CAMK2D: variants seen among roughly 807,000 people sequenced by gnomAD.
The protein encoded by CAMK2D is calcium/calmodulin dependent protein kinase II delta.
Under a neutral mutation model 84.0 loss-of-function variants are expected in CAMK2D, and 37 were observed. The ratio of observed to expected loss-of-function variants is 0.44; its 90% CI spans 0.34 to 0.58. The LOEUF (loss-of-function observed/expected upper bound fraction) is 0.58, where lower values mean the gene tolerates loss of function less well. CAMK2D is among the 20% of genes least tolerant of loss of function. CAMK2D has a pLI of 0.02. For missense variants in CAMK2D, 448 were observed against 652.5 expected, an observed-to-expected ratio of 0.69 and a Z score of 3.41; for synonymous variants, 202 against 212.5, an observed-to-expected ratio of 0.95 and a Z score of 0.43.
intron 12 of CAMK2D, among the ~76,000 whole-genome samples, chr4:113,510,293 T>C (rs1560601042): frequency 6.6e-6 from 1 of 152,236 alleles, no homozygotes; most frequent in Non-Finnish European, 1.5e-5. Context: ...AATGGCATTA[T>C]GTATTCTTTT....
At chr4:113,635,089 T>C (rs942834691) in intron 3 of CAMK2D, among the ~76,000 whole-genome samples, 9 of 152,354 alleles carry the variant, frequency 5.9e-5, no homozygotes, top group South Asian at 2.1e-4. Context: ...TATAAAGATA[T>C]AATTGATTGC....
At chr4:113,569,136 G>C (rs772274868) in intron 4 of CAMK2D, among the ~76,000 whole-genome samples, 7 of 152,186 alleles carry the variant, frequency 4.6e-5, no homozygotes, top group Non-Finnish European at 1.0e-4. Context: ...TCCCACCTCT[G>C]CCTCCCAAAG....
intron 8 of CAMK2D, among the ~76,000 whole-genome samples, chr4:113,520,242 C>A (rs572754830): frequency 1.3e-5 from 2 of 152,058 alleles, no homozygotes; most frequent in South Asian, 4.2e-4. Context: ...CCTGTCTCTA[C>A]TAAAAATACA....
intron 2 of CAMK2D, chr4:113,679,456 A>G: frequency 1.0e-6 from 1 of 979,444 alleles, no homozygotes; most frequent in Non-Finnish European, 1.2e-6. Flanking sequence ...TGTCCATCAT[A>G]TATTCCAGCC....
At chr4:113,541,475 G>A (rs1298043578) in intron 6 of CAMK2D, among the ~76,000 whole-genome samples, 1 of 151,990 alleles carries the variant, frequency 6.6e-6, no homozygotes, top group Non-Finnish European at 1.5e-5. Flanking sequence ...AATTGATTTG[G>A]CAAAGGCAAT....
At chr4:113,741,082 AC>A (rs2099591777) in intron 2 of CAMK2D, among the ~76,000 whole-genome samples, 1 of 152,076 alleles carries the variant, frequency 6.6e-6, no homozygotes, top group Non-Finnish European at 1.5e-5. Context: ...GTTATCACAG[AC>A]TGCTGCAGTA....
rs181973268 is a variant in CAMK2D at position 113,541,423 on chromosome 4, G to A, written c.415-3980C>T. Among the ~76,000 whole-genome samples, 1,279 of 152,270 alleles carry A rather than the reference G, an allele frequency of 8.4e-3. 17 individuals carry two copies. The highest frequency in any genetic ancestry group is 0.029 in the African/African-American group (1,210 of 41,550). Reference sequence around the variant, plus strand: ...ATCCAAAACTTATGAAAAAAACATAGTTTTAACCTTGCTTTACCAATTATC... The same window carrying A: ...ATCCAAAACTTATGAAAAAAACATAATTTTAACCTTGCTTTACCAATTATC... On this transcript the variant is annotated intron_variant, in intron 6 of 20. Transcript: ENST00000511664.
chr4:113,462,330 G>GTCTATCTATCTATCTA lies in CAMK2D; in HGVS notation c.1212-2090_1212-2089insTAGATAGATAGATAGA, dbSNP rs1295226081. On this transcript the variant is annotated intron_variant, in intron 17 of 20. Coordinates refer to ENST00000511664, the MANE Select transcript of CAMK2D (RefSeq NM_001321571.2). Reference sequence around the variant, plus strand: ...TGTCTGTCTGTCTGTCTGTCTGTCTGTCTGTCTGTCTATCTATCTATCTAT... The same window carrying GTCTATCTATCTATCTA: ...TGTCTGTCTGTCTGTCTGTCTGTCTGTCTATCTATCTATCTATCTGTCTGTCTATCTATCTATCTAT... Among the ~76,000 whole-genome samples the GTCTATCTATCTATCTA allele has an allele frequency of 3.7e-3, 483 of 129,238 alleles. 3 individuals carry two copies. Among genetic ancestry groups the GTCTATCTATCTATCTA allele is most frequent in the Middle Eastern group, 0.016 (4 of 258 alleles). 84.8% of individuals were successfully genotyped at this position (129,238 alleles called of 152,430 possible). A position where few individuals can be genotyped will look rare whatever the true frequency, so the allele number is the denominator to read the frequency against.
intron 3 of CAMK2D, among the ~76,000 whole-genome samples, chr4:113,617,491 G>C (rs1325279343): frequency 6.6e-6 from 1 of 151,600 alleles, no homozygotes; most frequent in African/African-American, 2.4e-5. Context: ...AAAAAGAAGA[G>C]AGACATCTGT....
intron 5 of CAMK2D, among the ~76,000 whole-genome samples, chr4:113,550,241 A>G (rs959137120): frequency 2.4e-4 from 36 of 152,104 alleles, no homozygotes; most frequent in Non-Finnish European, 5.9e-5. Flanking sequence ...GTGCAGTGGC[A>G]TGATCTCTGC....
chr4:113,535,291 C>T (rs1276712636), intron 7 of CAMK2D, among the ~76,000 whole-genome samples: 1 of 152,072 alleles, frequency 6.6e-6, no homozygotes, highest in Non-Finnish European at 1.5e-5. Context: ...AACAGATTCC[C>T]TTAGAGTTCA....
chr4:113,504,977 A>G lies in CAMK2D; in HGVS notation c.1043T>C (p.Leu348Pro). 1 of 1,552,052 alleles carries G rather than the reference A, an allele frequency of 6.4e-7. No homozygotes were observed. Among genetic ancestry groups the G allele is most frequent in the Non-Finnish European group, 8.7e-7 (1 of 1,150,588 alleles). ...GGGTTACAAAGAGTCCAGGTATACC[A>G]GCGCTGGGGTAGGAATATTTTCTTT... The part of the protein sequence containing the change: ...SPKENIPTPA[L>P]EPQTTVIHNP... Residue 348 changes from leucine (L) to proline (P), a missense_variant and splice_region_variant, in exon 14 of 21, where the codon CTG becomes CCG. Physicochemically the swap from Leu to Pro is moderately conservative, Grantham distance 98 (BLOSUM62 -3). Coordinates refer to ENST00000511664, the MANE Select transcript of CAMK2D (RefSeq NM_001321571.2).
chr4:113,664,207 T>C (rs1332687703), intron 2 of CAMK2D, among the ~76,000 whole-genome samples: 1 of 152,232 alleles, frequency 6.6e-6, no homozygotes, highest in Non-Finnish European at 1.5e-5. Context: ...TTAAGCCACC[T>C]AGTCTGTTGT....
chr4:113,645,835 C>G (rs548384878), intron 3 of CAMK2D, among the ~76,000 whole-genome samples: 1 of 152,268 alleles, frequency 6.6e-6, no homozygotes, highest in East Asian at 1.9e-4. Flanking sequence ...ATAAAAGAGA[C>G]CATGAGCCCC....
At chr4:113,756,615 C>G (rs1305323213) in intron 2 of CAMK2D, among the ~76,000 whole-genome samples, 1 of 152,030 alleles carries the variant, frequency 6.6e-6, no homozygotes, top group Non-Finnish European at 1.5e-5. Flanking sequence ...TAAAAGACTT[C>G]ATAGGTTAAG....
intron 2 of CAMK2D, among the ~76,000 whole-genome samples, chr4:113,744,839 T>C (rs577539105): frequency 6.6e-6 from 1 of 152,320 alleles, no homozygotes; most frequent in East Asian, 1.9e-4. Flanking sequence ...GAGGCACTTT[T>C]CAAGGACCAC....
At chr4:113,649,564 A>C (rs578025068) in intron 3 of CAMK2D, among the ~76,000 whole-genome samples, 14 of 152,322 alleles carry the variant, frequency 9.2e-5, no homozygotes, top group Non-Finnish European at 1.5e-5. Context: ...TATTTCAGTT[A>C]AGATTCTTAG....
intron 3 of CAMK2D, among the ~76,000 whole-genome samples, chr4:113,618,920 A>G (rs2099032987): frequency 1.3e-5 from 2 of 152,218 alleles, no homozygotes; most frequent in African/African-American, 2.4e-5. Context: ...AGTTCAGCCT[A>G]GGTCAATGAT....
At chr4:113,674,100 T>A (rs920849638) in intron 2 of CAMK2D, among the ~76,000 whole-genome samples, 22 of 152,158 alleles carry the variant, frequency 1.4e-4, no homozygotes, top group Non-Finnish European at 2.5e-4. Context: ...CCATGTCCAA[T>A]ACCCTTTGGA....
Sources: allele counts gnomAD v4.1 joint callset (sites outside exome capture counted in the v4.1 genomes callset), GRCh38; gene constraint gnomAD v4.1.1; transcripts MANE v1.5; gene names NCBI Gene and HGNC (gene_info 2026-07-23, HGNC 2026-07-21).